The following ARL15 variants were observed in gnomAD, a reference collection of about 807,000 sequenced individuals.
ARL15 encodes ARF like GTPase 15, also known as ADP-ribosylation factor-like protein 15.
In ARL15, 19 loss-of-function variants were observed where a neutral mutation model predicts 25.2. The ratio of observed to expected loss-of-function variants is 0.75; its 90% CI spans 0.53 to 1.10. The LOEUF (loss-of-function observed/expected upper bound fraction) is 1.10, where lower values mean the gene tolerates loss of function less well. Ranked by LOEUF, ARL15 falls within the 50% of genes least tolerant of loss-of-function variation. The pLI is 0.00. For synonymous variants in ARL15, 94 were observed against 86.8 expected, an observed-to-expected ratio of 1.08 and a Z score of -0.46; for missense variants, 220 against 246.0, an observed-to-expected ratio of 0.89 and a Z score of 0.71.
chr5:54,080,596 G>C (rs1241903886), intron 4 of ARL15, among the ~76,000 whole-genome samples: 1 of 152,052 alleles, frequency 6.6e-6, no homozygotes, highest in Non-Finnish European at 1.5e-5. Context: ...AATAATAATA[G>C]AAACATGTTA....
intron 4 of ARL15, among the ~76,000 whole-genome samples, chr5:53,898,578 G>A (rs576779817): frequency 6.6e-6 from 1 of 151,950 alleles, no homozygotes; most frequent in South Asian, 2.1e-4. Flanking sequence ...TAGTTATTTG[G>A]CAAACAATTT....
chr5:54,279,571 C>T (rs1407021292), intron 1 of ARL15, among the ~76,000 whole-genome samples: 1 of 152,188 alleles, frequency 6.6e-6, no homozygotes, highest in Non-Finnish European at 1.5e-5. Context: ...GGCCCCATCC[C>T]CAAACATCAT....
At chr5:54,011,605 T>G (rs770313783) in intron 4 of ARL15, among the ~76,000 whole-genome samples, 10 of 152,118 alleles carry the variant, frequency 6.6e-5, no homozygotes, top group Non-Finnish European at 8.8e-5. Flanking sequence ...TAAAACAACC[T>G]AAGACACCGA....
intron 3 of ARL15, among the ~76,000 whole-genome samples, chr5:54,114,915 T>C (rs1445921551): frequency 6.6e-6 from 1 of 152,208 alleles, no homozygotes; most frequent in Non-Finnish European, 1.5e-5. Flanking sequence ...TTAATAACTG[T>C]ATTTCAGTCA....
intron 1 of ARL15, among the ~76,000 whole-genome samples, chr5:54,269,508 A>T (rs1757722706): frequency 6.6e-6 from 1 of 152,152 alleles, no homozygotes; most frequent in African/African-American, 2.4e-5. Flanking sequence ...ATTGGTCCAC[A>T]ATTGATCAAA....
At chr5:54,100,605 T>A (rs1010558135) in intron 4 of ARL15, among the ~76,000 whole-genome samples, 12 of 152,080 alleles carry the variant, frequency 7.9e-5, no homozygotes, top group Admixed American at 3.9e-4. Flanking sequence ...CTGCTAAAAA[T>A]TCATACCTTG....
chr5:54,024,260 A>G (rs1749707688), intron 4 of ARL15, among the ~76,000 whole-genome samples: 1 of 152,186 alleles, frequency 6.6e-6, no homozygotes. Context: ...TGACGAGTAC[A>G]CAGGATCTTT....
intron 1 of ARL15, among the ~76,000 whole-genome samples, chr5:54,225,175 T>G (rs1026284583): frequency 1.3e-5 from 2 of 152,194 alleles, no homozygotes; most frequent in African/African-American, 4.8e-5. Flanking sequence ...GATTCCCTGA[T>G]TTTTCATCCT....
chr5:53,918,152 A>G (rs1745717413), intron 4 of ARL15, among the ~76,000 whole-genome samples: 1 of 152,190 alleles, frequency 6.6e-6, no homozygotes, highest in African/African-American at 2.4e-5. Context: ...GAGAAGGAAA[A>G]TATAGAAAAC....
rs1318461857 is a variant in ARL15, at chr5:53,883,997, T to C, written c.*2564A>G. ...AAGATAGTGGAAATCGTAGAAATCA[T>C]GGACAATACAAGTTGGTCTTGCCTG... On this transcript the variant is annotated 3_prime_UTR_variant, in exon 5 of 5. Coordinates refer to ENST00000504924, the MANE Select transcript of ARL15 (RefSeq NM_019087.3). 1 of 152,172 alleles carries C rather than the reference T, an allele frequency of 6.6e-6. No individual in the cohort carries two copies. Among genetic ancestry groups the C allele is most frequent in the Non-Finnish European group, 1.5e-5 (1 of 68,020 alleles). The allele number at this position is 152,172 out of a possible 1,614,324, so 9.4% of individuals were successfully genotyped here. A position where few individuals can be genotyped will look rare whatever the true frequency, so the allele number is the denominator to read the frequency against.
chr5:53,981,815 C>T (rs1411563308), intron 4 of ARL15, among the ~76,000 whole-genome samples: 1 of 151,488 alleles, frequency 6.6e-6, no homozygotes, highest in Non-Finnish European at 1.5e-5. Context: ...AGGAGAATTG[C>T]TTTGAATCCA....
At chr5:53,933,401 C>T (rs1746255160) in intron 4 of ARL15, among the ~76,000 whole-genome samples, 1 of 152,052 alleles carries the variant, frequency 6.6e-6, no homozygotes, top group Non-Finnish European at 1.5e-5. Context: ...AATCCCAGCA[C>T]TCTGGGAGGT....
intron 2 of ARL15, among the ~76,000 whole-genome samples, chr5:54,165,679 T>G (rs1301194227): frequency 6.6e-6 from 1 of 151,204 alleles, no homozygotes; most frequent in Admixed American, 6.6e-5. Flanking sequence ...GATGTGTGTT[T>G]ATATGCATAT....
chr5:53,991,529 C>G (rs1473406053), intron 4 of ARL15, among the ~76,000 whole-genome samples: 1 of 84,424 alleles, frequency 1.2e-5, no homozygotes, highest in East Asian at 4.0e-4. Context: ...GCAATAAGCT[C>G]GAAACTCCAT....
At chr5:53,946,572 A>G in intron 4 of ARL15, among the ~76,000 whole-genome samples, 1 of 152,124 alleles carries the variant, frequency 6.6e-6, no homozygotes, top group East Asian at 1.9e-4. Context: ...ATGTTACCAG[A>G]GACCAACCAA....
At chr5:53,964,165 G>A (rs927369867) in intron 4 of ARL15, among the ~76,000 whole-genome samples, 7 of 152,114 alleles carry the variant, frequency 4.6e-5, no homozygotes, top group African/African-American at 9.7e-5. Context: ...ATCTTGGACA[G>A]GAGGTGGCAC....
At chr5:54,199,064 T>G (rs1026144579) in intron 1 of ARL15, among the ~76,000 whole-genome samples, 18 of 151,772 alleles carry the variant, frequency 1.2e-4, no homozygotes, top group Non-Finnish European at 1.6e-4. Flanking sequence ...CCCTATTTAA[T>G]AAATGGTGCT....
chr5:54,085,180 T>A (rs1751927305), intron 4 of ARL15, among the ~76,000 whole-genome samples: 1 of 152,166 alleles, frequency 6.6e-6, no homozygotes, highest in Non-Finnish European at 1.5e-5. Flanking sequence ...TAAGAATAAA[T>A]GAATTGTTTA....
intron 4 of ARL15, among the ~76,000 whole-genome samples, chr5:54,008,337 G>T (rs563142270): frequency 6.6e-6 from 1 of 152,326 alleles, no homozygotes; most frequent in South Asian, 2.1e-4. Flanking sequence ...ATCTCTTTAA[G>T]TGTTAATGCA....
Sources: allele counts gnomAD v4.1 joint callset (sites outside exome capture counted in the v4.1 genomes callset), GRCh38; gene constraint gnomAD v4.1.1; transcripts MANE v1.5; gene names NCBI Gene and HGNC (gene_info 2026-07-23, HGNC 2026-07-21).